Variants in ITCH observed in about 807,000 individuals in gnomAD.
ITCH encodes the protein E3 ubiquitin-protein ligase Itchy homolog.
A neutral mutation model predicts 126.8 loss-of-function variants in ITCH; 28 were observed. That is an observed-to-expected ratio of 0.22 (90% confidence interval 0.16 to 0.30). ITCH has a LOEUF of 0.30. ITCH is among the 10% of genes least tolerant of loss of function. ITCH has a pLI of 1.00. For missense variants in ITCH, 631 were observed against 1,032.4 expected, an observed-to-expected ratio of 0.61 and a Z score of 5.33; for synonymous variants, 342 against 340.0, an observed-to-expected ratio of 1.01 and a Z score of -0.06.
intron 20 of ITCH, among the ~76,000 whole-genome samples, chr20:34,483,398 A>G (rs937612667): frequency 2.6e-5 from 4 of 152,188 alleles, no homozygotes; most frequent in African/African-American, 9.6e-5. Context: ...TCTCCTCTTG[A>G]ATGCTTTGCT....
intron 7 of ITCH, among the ~76,000 whole-genome samples, chr20:34,427,952 G>A (rs1486946968): frequency 5.9e-5 from 9 of 152,130 alleles, no homozygotes; most frequent in Admixed American, 4.6e-4. Context: ...TATTATAAAG[G>A]CATTGCTGGA....
rs1988188153 is a variant in ITCH, at chr20:34,476,058, A to T, written c.1570-1714A>T. On this transcript the variant is annotated intron_variant, in intron 16 of 24. Coordinates refer to ENST00000374864, the MANE Select transcript of ITCH (RefSeq NM_031483.7). ...TGTGATCTGTTAGTCCATATGCCAGATCGAGCATGTGATTCTCCTCATCAG... is the reference window on the plus strand; with the variant it reads ...TGTGATCTGTTAGTCCATATGCCAGTTCGAGCATGTGATTCTCCTCATCAG... 28 of 1,241,650 alleles carry T rather than the reference A, an allele frequency of 2.3e-5. No homozygotes were observed. The South Asian group carries it at 2.9e-4, about 13-fold the overall frequency. 76.9% of individuals were successfully genotyped at this position (1,241,650 alleles called of 1,614,324 possible). A position where few individuals can be genotyped will look rare whatever the true frequency, so the allele number is the denominator to read the frequency against.
intron 20 of ITCH, among the ~76,000 whole-genome samples, chr20:34,483,082 A>T (rs1380011406): frequency 6.6e-6 from 1 of 152,170 alleles, no homozygotes; most frequent in African/African-American, 2.4e-5. Context: ...CCAAGTCCCT[A>T]GAGTGCACAC....
chr20:34,503,482 A>G (rs1355460606), intron 23 of ITCH, among the ~76,000 whole-genome samples: 1 of 152,238 alleles, frequency 6.6e-6, no homozygotes, highest in African/African-American at 2.4e-5. Context: ...TTGTAAGGGT[A>G]TGCCCTACAG....
intron 14 of ITCH, among the ~76,000 whole-genome samples, chr20:34,468,386 C>T (rs762931468): frequency 9.9e-5 from 15 of 151,940 alleles, no homozygotes; most frequent in Non-Finnish European, 2.1e-4. Flanking sequence ...CAGCCAACAT[C>T]ACAATTAATG....
intron 11 of ITCH, among the ~76,000 whole-genome samples, chr20:34,448,482 C>T (rs1212915033): frequency 1.3e-5 from 2 of 151,840 alleles, no homozygotes; most frequent in African/African-American, 4.8e-5. Context: ...ATTTTCGCTT[C>T]AACAAAGAAC....
Position 34,509,752 on chromosome 20 carries a change from C to T in ITCH, c.*1958C>T, listed in dbSNP as rs932209225. 27 of 152,646 alleles carry T rather than the reference C, an allele frequency of 1.8e-4. No individual in the cohort carries two copies. The East Asian group carries it at 3.5e-3, about 20-fold the overall frequency. The allele number at this position is 152,646 out of a possible 1,614,324, so 9.5% of individuals were successfully genotyped here. On this transcript the variant is annotated 3_prime_UTR_variant, in exon 25 of 25. Transcript: ENST00000374864. ...ACAGAGCGAATGTCTGCCAACTACC[C>T]GTTCATTATATAAGTCTGAACTTGG...
intron 23 of ITCH, 24 bp from the exon 24 acceptor site, chr20:34,504,305 CTG>C: frequency 6.4e-7 from 1 of 1,568,216 alleles, no homozygotes; most frequent in South Asian, 1.1e-5. Context: ...TACTAACAAA[CTG>C]TTTATGATTT....
At chr20:34,384,279 C>CTTTTTTTTTT (rs35124886) in intron 2 of ITCH, 1 of 103,810 alleles carries the variant, frequency 9.6e-6, no homozygotes, top group African/African-American at 3.9e-5. Flanking sequence ...GCCTGTAATT[C>CTTTTTTTTTT]TTTTTTTTTT....
intron 7 of ITCH, among the ~76,000 whole-genome samples, chr20:34,433,331 C>A (rs1446426762): frequency 2.0e-5 from 3 of 152,110 alleles, no homozygotes; most frequent in African/African-American, 7.2e-5. Context: ...TTTCAGCTTT[C>A]AAAATATTTG....
chr20:34,449,308 C>T (rs1473290135), intron 11 of ITCH, 103 bp from the exon 12 acceptor site: 4 of 702,696 alleles, frequency 5.7e-6, no homozygotes, highest in Non-Finnish European at 1.0e-5. Flanking sequence ...TACAAACTCT[C>T]TGTGTTATAC....
chr20:34,381,968 C>A (rs1280442956), intron 2 of ITCH, among the ~76,000 whole-genome samples: 1 of 152,056 alleles, frequency 6.6e-6, no homozygotes, highest in Non-Finnish European at 1.5e-5. Flanking sequence ...AAAATCTTTG[C>A]CTTACTGGAC....
In ITCH at chr20:34,456,158, T is replaced by TTGTGTGTGTGTGTGTG; in HGVS notation, c.1211-1220_1211-1205dup. 4.2e-5 allele frequency among the ~76,000 whole-genome samples: 2 copies of TTGTGTGTGTGTGTGTG among 47,714 alleles called. 1 individual carries two copies. Among genetic ancestry groups the TTGTGTGTGTGTGTGTG allele is most frequent in the African/African-American group, 1.7e-4 (2 of 12,104 alleles). The allele number at this position is 47,714 out of a possible 152,430, so 31.3% of individuals were successfully genotyped here. ...CTTATTTTATATATATTTTTATATA[T>TTGTGTGTGTGTGTGTG]TGTGTGTGTGTGTGTGTGTGTGTGT... is the stretch of plus-strand genomic sequence containing the variant. On this transcript the variant is annotated intron_variant, in intron 12 of 24. Coordinates refer to ENST00000374864, the MANE Select transcript of ITCH (RefSeq NM_031483.7).
intron 3 of ITCH, among the ~76,000 whole-genome samples, chr20:34,404,415 C>CTTT (rs1302908229): frequency 8.5e-4 from 103 of 120,486 alleles, no homozygotes; most frequent in East Asian, 1.4e-3. Flanking sequence ...GAGCTTCTGT[C>CTTT]TTTTTTTTTT....
chr20:34,481,942 C>T (rs568781762), intron 20 of ITCH, among the ~76,000 whole-genome samples: 193 of 152,206 alleles, frequency 1.3e-3, no homozygotes, highest in African/African-American at 4.4e-3. Context: ...ACCTGGGAGG[C>T]GGGGATTGCA....
chr20:34,383,582 T>G (rs1374847367), intron 2 of ITCH, among the ~76,000 whole-genome samples: 1 of 151,944 alleles, frequency 6.6e-6, no homozygotes, highest in Admixed American at 6.6e-5. Flanking sequence ...GTCAGGCTGG[T>G]CTCGAACTCC....
At chr20:34,373,926 C>A (rs750911692) in intron 2 of ITCH, among the ~76,000 whole-genome samples, 1 of 151,534 alleles carries the variant, frequency 6.6e-6, no homozygotes, top group Non-Finnish European at 1.5e-5. Flanking sequence ...TGCTTTGTCG[C>A]CAGGCTGGAG....
At chr20:34,381,922 T>C (rs1278662353) in intron 2 of ITCH, among the ~76,000 whole-genome samples, 2 of 152,158 alleles carry the variant, frequency 1.3e-5, no homozygotes, top group East Asian at 1.9e-4. Flanking sequence ...TCAATTGTTT[T>C]CTTTAATGAA....
chr20:34,489,744 T>C (rs984337469), intron 21 of ITCH, 78 bp from the exon 22 acceptor site: 1 of 943,634 alleles, frequency 1.1e-6, no homozygotes, highest in Admixed American at 1.7e-5. Flanking sequence ...AAAGCTTTGC[T>C]TAATCTTAGT....
Sources: allele counts gnomAD v4.1 joint callset (sites outside exome capture counted in the v4.1 genomes callset), GRCh38; gene constraint gnomAD v4.1.1; transcripts MANE v1.5; gene names NCBI Gene and HGNC (gene_info 2026-07-23, HGNC 2026-07-21).